The following GAB1 variants were observed in gnomAD, a reference collection of about 807,000 sequenced individuals.
GAB1 encodes the protein GRB2-associated-binding protein 1.
In GAB1, 19 loss-of-function variants were observed where a neutral mutation model predicts 66.5. The observed-to-expected ratio is 0.29, with a 90% CI of 0.20 to 0.42. The LOEUF (loss-of-function observed/expected upper bound fraction) is 0.42, where lower values mean the gene tolerates loss of function less well. Among genes scored for constraint, GAB1 ranks in the 10% least tolerant of loss-of-function variants. The pLI is 1.00. For synonymous variants in GAB1, 294 were observed against 301.4 expected, an observed-to-expected ratio of 0.98 and a Z score of 0.25; for missense variants, 732 against 858.5, an observed-to-expected ratio of 0.85 and a Z score of 1.84.
chr4:143,426,040 G>A (rs1276341619), intron 2 of GAB1: 1 of 585,904 alleles, frequency 1.7e-6, no homozygotes, highest in East Asian at 2.8e-5. Flanking sequence ...GGTATAAGGT[G>A]TTAGAGTTTG....
chr4:143,435,252 G>A (rs1335471188), intron 3 of GAB1, among the ~76,000 whole-genome samples: 3 of 152,112 alleles, frequency 2.0e-5, no homozygotes, highest in Admixed American at 1.3e-4. Flanking sequence ...GGATTTCTAT[G>A]TATTTGTTGT....
In GAB1 at chr4:143,446,922, T is replaced by C. The variant is rs1421618359; in HGVS notation, c.1585+6540T>C. On this transcript the variant is annotated intron_variant, in intron 6 of 9. Coordinates refer to ENST00000262994, the MANE Select transcript of GAB1 (RefSeq NM_002039.4). Reference sequence around the variant, plus strand: ...AGGTTTTCTTCTAGGGTTTTTATGGTTTTAGGTCTAACGTTTAAGTCTTTA... The same window carrying C: ...AGGTTTTCTTCTAGGGTTTTTATGGCTTTAGGTCTAACGTTTAAGTCTTTA... Among the ~76,000 whole-genome samples, 3 of 151,640 alleles carry C rather than the reference T, an allele frequency of 2.0e-5. No homozygotes were observed. In the East Asian group the frequency reaches 5.8e-4, roughly 29 times the overall value.
At chr4:143,361,403 C>T (rs1471710243) in intron 1 of GAB1, among the ~76,000 whole-genome samples, 1 of 152,102 alleles carries the variant, frequency 6.6e-6, no homozygotes, top group Non-Finnish European at 1.5e-5. Context: ...GTTTGCTCTG[C>T]AGATCTTATA....
At chr4:143,410,618 TA>T (rs1381280692) in intron 1 of GAB1, among the ~76,000 whole-genome samples, 6 of 152,226 alleles carry the variant, frequency 3.9e-5, no homozygotes, top group Non-Finnish European at 8.8e-5. Flanking sequence ...AGGAAATGTT[TA>T]AAAGAATAGT....
At chr4:143,452,051 C>T (rs1055644480) in intron 6 of GAB1, among the ~76,000 whole-genome samples, 7 of 152,108 alleles carry the variant, frequency 4.6e-5, no homozygotes, top group Non-Finnish European at 8.8e-5. Flanking sequence ...ACTAGCTTTA[C>T]GTTTTGCCTT....
At chr4:143,338,681 T>C (rs1294524912) in intron 1 of GAB1, among the ~76,000 whole-genome samples, 1 of 148,106 alleles carries the variant, frequency 6.8e-6, no homozygotes, top group Non-Finnish European at 1.5e-5. Flanking sequence ...GCAGTGTTTT[T>C]TTTTCCAGCT....
intron 1 of GAB1, among the ~76,000 whole-genome samples, chr4:143,340,837 A>G (rs113269238): frequency 0.016 from 2,508 of 152,280 alleles, 44 homozygotes; most frequent in African/African-American, 0.043. Flanking sequence ...AAGCCATCTC[A>G]TATATGGCCC....
At chr4:143,418,757 C>T (rs1732846083) in intron 2 of GAB1, among the ~76,000 whole-genome samples, 1 of 152,122 alleles carries the variant, frequency 6.6e-6, no homozygotes, top group Non-Finnish European at 1.5e-5. Context: ...GTGCATTCTT[C>T]AGTCAAGGAA....
intron 3 of GAB1, among the ~76,000 whole-genome samples, chr4:143,436,620 G>A (rs981112540): frequency 2.0e-5 from 3 of 152,098 alleles, no homozygotes; most frequent in East Asian, 3.9e-4. Flanking sequence ...AGAAGGGCTC[G>A]GTGCCTGCGT....
intron 1 of GAB1, among the ~76,000 whole-genome samples, chr4:143,370,206 G>T (rs915275961): frequency 6.6e-6 from 1 of 152,194 alleles, no homozygotes; most frequent in African/African-American, 2.4e-5. Context: ...ATATCTGTAC[G>T]TGAGGAAGAA....
In GAB1 at chr4:143,336,968, C is replaced by T. The variant is rs1728671415; in HGVS notation, c.-221C>T. 5 of 484,222 alleles carry T rather than the reference C, an allele frequency of 1.0e-5. No individual in the cohort carries two copies. The highest frequency in any genetic ancestry group is 1.1e-5 in the Non-Finnish European group (3 of 273,628). The allele number at this position is 484,222 out of a possible 1,614,324, so 30.0% of individuals were successfully genotyped here. A position where few individuals can be genotyped will look rare whatever the true frequency, so the allele number is the denominator to read the frequency against. ...CGCACTGAAAGGAGGCCGGCGCGCCCGCGGCCCCGGCTCGCGTTCTGTTCA... is the reference window on the plus strand; with the variant it reads ...CGCACTGAAAGGAGGCCGGCGCGCCTGCGGCCCCGGCTCGCGTTCTGTTCA... On this transcript the variant is annotated 5_prime_UTR_variant, in exon 1 of 10. Coordinates refer to ENST00000262994, the MANE Select transcript of GAB1 (RefSeq NM_002039.4).
At chr4:143,420,113 A>G (rs536806683) in intron 2 of GAB1, among the ~76,000 whole-genome samples, 3 of 152,216 alleles carry the variant, frequency 2.0e-5, no homozygotes, top group African/African-American at 7.2e-5. Context: ...GTCACCACCA[A>G]TCACTAAATA....
intron 1 of GAB1, among the ~76,000 whole-genome samples, chr4:143,382,750 T>C (rs1269524109): frequency 6.6e-6 from 1 of 152,160 alleles, no homozygotes. Flanking sequence ...GGACGCTGAT[T>C]TGTTAGCTTG....
At chr4:143,349,598 G>A (rs1467040709) in intron 1 of GAB1, 88 of 1,488,070 alleles carry the variant, frequency 5.9e-5, no homozygotes, top group Non-Finnish European at 7.5e-5. Flanking sequence ...GAGCCGCAGC[G>A]GCCTGTCACC....
chr4:143,457,178 G>A lies in GAB1; in HGVS notation c.1586-2207G>A, dbSNP rs758134831. Reference sequence around the variant, plus strand: ...TCAGGAGGTGCAGGAATAGATTAAGGTTTTAAAAACATCTCTACCAAATTA... The same window carrying A: ...TCAGGAGGTGCAGGAATAGATTAAGATTTTAAAAACATCTCTACCAAATTA... On this transcript the variant is annotated intron_variant, in intron 6 of 9. Coordinates refer to ENST00000262994, the MANE Select transcript of GAB1 (RefSeq NM_002039.4). 3.3e-5 allele frequency among the ~76,000 whole-genome samples: 5 copies of A among 152,270 alleles called. No individual in the cohort carries two copies. The South Asian group carries it at 8.3e-4, about 25-fold the overall frequency.
intron 8 of GAB1, among the ~76,000 whole-genome samples, chr4:143,462,976 G>A (rs1735579440): frequency 6.6e-6 from 1 of 151,910 alleles, no homozygotes; most frequent in South Asian, 2.1e-4. Flanking sequence ...ATGAATTTAT[G>A]AAGTACTTAG....
rs1735426526 is a variant in GAB1, at chr4:143,460,380, A to G, written c.1696A>G (p.Met566Val). 2 of 1,613,706 alleles carry G rather than the reference A, an allele frequency of 1.2e-6. No individual in the cohort carries two copies. The highest frequency in any genetic ancestry group is 1.7e-6 in the Non-Finnish European group (2 of 1,179,718). ...TGTAATTAGCTCTTCCAGGTTTCCC[A>G]TGTCCCCCCGACCAGATTCAGTGCA... ...SFARDSSRFP[M>V]SPRPDSVHST... The change falls in exon 8 of 10, where the codon ATG becomes GTG. Residue 566 changes from methionine (M) to valine (V), a missense_variant. Met to Val is a conservative substitution (Grantham distance 21, BLOSUM62 1). This residue lies in a region of GAB1 where 204 missense variants were observed against 276.8 expected (regional missense o/e 0.74). Coordinates refer to ENST00000262994, the MANE Select transcript of GAB1 (RefSeq NM_002039.4).
At position 143,349,442 on chromosome 4, in the gene GAB1, C is replaced by T. The variant is rs1012013291; in HGVS notation, c.72+12182C>T. 4.0e-6 allele frequency: 5 copies of T among 1,260,080 alleles called. No individual in the cohort carries two copies. The African/African-American group carries it at 5.9e-5, about 15-fold the overall frequency. The allele number at this position is 1,260,080 out of a possible 1,614,324, so 78.1% of individuals were successfully genotyped here. On this transcript the variant is annotated intron_variant, in intron 1 of 9. Coordinates refer to ENST00000262994, the MANE Select transcript of GAB1 (RefSeq NM_002039.4). Reference sequence around the variant, plus strand: ...GTCTTAGAAATGGCATCAAAGGTGGCCTTGGCGAAGTTGCCCAGGGTGGCA... The same window carrying T: ...GTCTTAGAAATGGCATCAAAGGTGGTCTTGGCGAAGTTGCCCAGGGTGGCA...
intron 6 of GAB1, among the ~76,000 whole-genome samples, chr4:143,451,810 G>A (rs1453353537): frequency 6.6e-6 from 1 of 151,824 alleles, no homozygotes. Context: ...AAGTTTTGAG[G>A]CACTTGGAGT....
Sources: allele counts gnomAD v4.1 joint callset (sites outside exome capture counted in the v4.1 genomes callset), GRCh38; gene constraint gnomAD v4.1.1; regional missense constraint gnomAD v4.1.1; transcripts MANE v1.5; gene names NCBI Gene and HGNC (gene_info 2026-07-23, HGNC 2026-07-21).